The following NOTCH1 variants were observed in gnomAD, a reference collection of about 807,000 sequenced individuals.
The protein encoded by NOTCH1 is neurogenic locus notch homolog protein 1.
Under a neutral mutation model 254.8 loss-of-function variants are expected in NOTCH1, and 37 were observed. The ratio of observed to expected loss-of-function variants is 0.15; its 90% CI spans 0.11 to 0.19. NOTCH1 has a LOEUF of 0.19. Ranked by LOEUF, NOTCH1 falls within the 10% of genes least tolerant of loss-of-function variation. The pLI is 1.00. For synonymous variants in NOTCH1, 1,731 were observed against 1,618.1 expected (o/e 1.07, Z -1.68); for missense variants, 2,972 against 3,708.6 (o/e 0.80, Z 5.16).
In NOTCH1 at chr9:136,505,560, C is replaced by T. The variant is rs1198437870; in HGVS notation, c.4336G>A (p.Glu1446Lys). ...CACTCGGGCAGCTCGCACGCCTCCTCGATCAGCGGCGGGGGGATGTCGCGC... is the reference window on the plus strand; with the variant it reads ...CACTCGGGCAGCTCGCACGCCTCCTTGATCAGCGGCGGGGGGATGTCGCGC... ...AGRDIPPPLIEEACELPECQE... is the reference protein window; with the variant it reads ...AGRDIPPPLIKEACELPECQE... The change falls in exon 25 of 34, where the codon GAG (glutamate) becomes AAG (lysine). Residue 1446 changes from glutamate to lysine, a missense_variant. Glu to Lys is a moderately conservative substitution (Grantham distance 56). Coordinates refer to ENST00000651671, the MANE Select transcript of NOTCH1 (RefSeq NM_017617.5). 5 of 1,610,958 alleles carry T rather than the reference C, an allele frequency of 3.1e-6. No individual in the cohort carries two copies. The highest frequency in any genetic ancestry group is 1.7e-4 in the Middle Eastern group (1 of 6,058).
chr9:136,526,583 G>C (rs1035327252), intron 2 of NOTCH1, among the ~76,000 whole-genome samples: 1 of 152,148 alleles, frequency 6.6e-6, no homozygotes, highest in Admixed American at 6.5e-5. Flanking sequence ...CTGGAGGTCC[G>C]AGCCCCTAGA....
intron 26 of NOTCH1, among the ~76,000 whole-genome samples, chr9:136,504,195 C>A (rs1023995714): frequency 1.3e-5 from 2 of 152,202 alleles, no homozygotes; most frequent in Non-Finnish European, 2.9e-5. Context: ...TTTTTTACTT[C>A]TTTTAATACT....
At chr9:136,522,507 T>C in intron 4 of NOTCH1, 1 of 316,390 alleles carries the variant, frequency 3.2e-6, no homozygotes, top group Non-Finnish European at 5.8e-6. Flanking sequence ...CCACGCCCTC[T>C]CCGGCCCCAG....
rs4880098 is a variant in NOTCH1 at position 136,506,452 on chromosome 9, C to T, written c.4014+75G>A. On this transcript the variant is annotated intron_variant, in intron 24 of 33. Transcript: ENST00000651671. The surrounding 1 kb of genome is among the most constrained non-coding windows in gnomAD (Gnocchi z 4.5). ...CGGGAGGATCACTGCCCGGTCTGCG[C>T]CCCGAGGCCCCCACGTGGACCTCTC... 0.44 allele frequency: 581,253 copies of T among 1,327,376 alleles called. 132,721 individuals are homozygous for T. Among genetic ancestry groups the T allele is most frequent in the East Asian group, 0.84 (33,292 of 39,568 alleles). 82.2% of individuals were successfully genotyped at this position (1,327,376 alleles called of 1,614,324 possible).
At position 136,515,406 on chromosome 9, in the gene NOTCH1, G is replaced by T; in HGVS notation, c.1904-6C>A. 6.2e-7 allele frequency: 1 copy of T among 1,612,840 alleles called. No individual in the cohort carries two copies. Reference sequence around the variant, plus strand: ...GTTGATCTCGCAGTTGGGTCCTGAAGGGGTGGCACGTGTCGGTCAGTCCTC... The same window carrying T: ...GTTGATCTCGCAGTTGGGTCCTGAATGGGTGGCACGTGTCGGTCAGTCCTC... On this transcript the variant is annotated splice_polypyrimidine_tract_variant and splice_region_variant and intron_variant, in intron 11 of 33. Transcript: ENST00000651671.
At chr9:136,505,936 G>T (rs1347768929) in intron 24 of NOTCH1, 55 bp from the exon 25 acceptor site, 1 of 1,449,102 alleles carries the variant, frequency 6.9e-7, no homozygotes, top group Non-Finnish European at 9.3e-7. Flanking sequence ...CCGCCCCCCC[G>T]CCACCTCACA....
intron 26 of NOTCH1, 100 bp downstream of exon 26, chr9:136,504,573 G>C: frequency 8.0e-7 from 1 of 1,250,348 alleles, no homozygotes. Flanking sequence ...AGTGGGGAGA[G>C]TACTGCTTGC....
intron 26 of NOTCH1, among the ~76,000 whole-genome samples, chr9:136,503,647 C>T (rs945751150): frequency 6.6e-6 from 1 of 152,196 alleles, no homozygotes; most frequent in African/African-American, 2.4e-5. Flanking sequence ...AGAGTATGTG[C>T]CAGGAGCCCA....
In NOTCH1 at chr9:136,504,789, G is replaced by A. The variant is rs1450251041; in HGVS notation, c.4902C>T (p.Ala1634=). ...CGTCAGGTGCGGCCCAGCCCTCGGC[G>A]GCACGCTTGATGGGGTGCTTGCGCA... ...EELRKHPIKR[A]AEGWAAPDAL... The change falls in exon 26 of 34, where the codon GCC becomes GCT. Residue 1634 remains alanine (A), a synonymous_variant. Coordinates refer to ENST00000651671, the MANE Select transcript of NOTCH1 (RefSeq NM_017617.5). 4 of 1,555,342 alleles carry A rather than the reference G, an allele frequency of 2.6e-6. No homozygotes were observed. The highest frequency in any genetic ancestry group is 3.5e-6 in the Non-Finnish European group (4 of 1,150,030).
intron 6 of NOTCH1, 64 bp downstream of exon 6, chr9:136,518,527 G>T (rs1194921816): frequency 1.6e-5 from 24 of 1,455,366 alleles, no homozygotes; most frequent in African/African-American, 2.8e-5. Flanking sequence ...CCTGGGTGAG[G>T]TCACACAGCT....
Position 136,507,376 on chromosome 9 carries a change from G to A in NOTCH1, c.3572C>T (p.Pro1191Leu). ...GAGGCAGGTGCCCCCGTTCTGGCAG[G>A]GGTGGGAGAGGCACTCGTCGATCTC... ...SEEIDECLSHPCQNGGTCLDL... is the reference protein window; with the variant it reads ...SEEIDECLSHLCQNGGTCLDL... Residue 1191 changes from proline (P) to leucine (L), a missense_variant, in exon 22 of 34, where the codon CCC (proline) becomes CTC (leucine). Physicochemically the swap from Pro to Leu is moderately conservative, Grantham distance 98. This residue lies in a region of NOTCH1 where 1,343 missense variants were observed against 1,557.0 expected (regional missense o/e 0.86). Transcript: ENST00000651671. 6.2e-7 allele frequency: 1 copy of A among 1,612,588 alleles called. No homozygotes were observed. Among genetic ancestry groups the A allele is most frequent in the Non-Finnish European group, 8.5e-7 (1 of 1,179,808 alleles).
chr9:136,527,461 G>A (rs777979993), intron 2 of NOTCH1, among the ~76,000 whole-genome samples: 10 of 152,226 alleles, frequency 6.6e-5, no homozygotes, highest in Non-Finnish European at 8.8e-5. Context: ...CAGCTGCCGC[G>A]CCCACGGGGA....
In NOTCH1 at chr9:136,502,028, G is replaced by A. The variant is rs61751535; in HGVS notation, c.5445C>T (p.Asp1815=). 5.3e-4 allele frequency: 847 copies of A among 1,613,164 alleles called. 2 individuals are homozygous for A. In the African/African-American group the frequency reaches 9.4e-3, roughly 18 times the overall value. The change falls in exon 29 of 34, where the codon GAC becomes GAT. Residue 1815 remains aspartate, a synonymous_variant. Transcript: ENST00000651671. Reference sequence around the variant, plus strand: ...GGAACTTCTTGGTCTCCAGGTCCTCGTCCCCCCACTCATTCTGGTTGTCGT... The same window carrying A: ...GGAACTTCTTGGTCTCCAGGTCCTCATCCCCCCACTCATTCTGGTTGTCGT... ...LMDDNQNEWG[D]EDLETKKFRF...
Position 136,540,709 on chromosome 9 carries a change from G to A in NOTCH1, c.140+3315C>T, listed in dbSNP as rs745468178. Reference sequence around the variant, plus strand: ...AGTGGCCAGGCCAGGCCTCAGACACGAGGTTGTCCAAAGCTAAAGCGCACC... The same window carrying A: ...AGTGGCCAGGCCAGGCCTCAGACACAAGGTTGTCCAAAGCTAAAGCGCACC... On this transcript the variant is annotated intron_variant, in intron 2 of 33. Coordinates refer to ENST00000651671, the MANE Select transcript of NOTCH1 (RefSeq NM_017617.5). The surrounding 1 kb of genome is among the most constrained non-coding windows in gnomAD (Gnocchi z 4.4). 4.6e-5 allele frequency among the ~76,000 whole-genome samples: 7 copies of A among 152,222 alleles called. No individual in the cohort carries two copies. Among genetic ancestry groups the A allele is most frequent in the Middle Eastern group, 6.8e-3 (2 of 294 alleles).
intron 2 of NOTCH1, among the ~76,000 whole-genome samples, chr9:136,539,644 A>G (rs1314786777): frequency 6.6e-6 from 1 of 152,076 alleles, no homozygotes; most frequent in Non-Finnish European, 1.5e-5. Flanking sequence ...CCCACCTCGG[A>G]TGCTGCATGT....
chr9:136,515,825 T>A, intron 10 of NOTCH1, 109 bp from the exon 11 acceptor site: 1 of 1,220,516 alleles, frequency 8.2e-7, no homozygotes, highest in Non-Finnish European at 1.1e-6. Context: ...GCTCCGAGCG[T>A]GGCATTCCCA....
At chr9:136,538,559 G>A (rs983617415) in intron 2 of NOTCH1, among the ~76,000 whole-genome samples, 4 of 152,248 alleles carry the variant, frequency 2.6e-5, no homozygotes, top group African/African-American at 4.8e-5. Context: ...AACGCAGCCC[G>A]GCCCACAGGT....
intron 13 of NOTCH1, among the ~76,000 whole-genome samples, chr9:136,514,017 G>A (rs11574891): frequency 0.38 from 57,437 of 151,976 alleles, 11,212 homozygotes; most frequent in African/African-American, 0.47. Flanking sequence ...CCAAGACTGC[G>A]GCAGGGGTTT....
chr9:136,508,424 G>A lies in NOTCH1; in HGVS notation c.3172-39C>T, dbSNP rs201733983. On this transcript the variant is annotated intron_variant, in intron 19 of 33. Coordinates refer to ENST00000651671, the MANE Select transcript of NOTCH1 (RefSeq NM_017617.5). ...GGGGTCAGCTGGGTGCCCGCGCCCC[G>A]GCCATTTCCCCGGTAGCTCAGAACG... The A allele has an allele frequency of 4.7e-5, 75 of 1,612,438 alleles. No individual in the cohort carries two copies. In the Middle Eastern group the frequency reaches 5.0e-4, roughly 11 times the overall value.
Sources: gnomAD v4.1 joint callset for allele counts (sites outside exome capture counted in the v4.1 genomes callset) on GRCh38, gnomAD v4.1.1 for gene constraint, gnomAD v4.1.1 regional missense constraint, Gnocchi (gnomAD v3.1) non-coding constraint, MANE v1.5 for transcripts, NCBI Gene and HGNC (gene_info 2026-07-23, HGNC 2026-07-21) for gene names.